Variants in LIMD1 observed in about 807,000 individuals in gnomAD.
LIMD1 encodes the protein LIM domain containing 1, also known as LIM domain-containing protein 1.
In LIMD1, 23 loss-of-function variants were observed where a neutral mutation model predicts 58.4. The ratio of observed to expected loss-of-function variants is 0.39; its 90% confidence interval spans 0.28 to 0.56. LIMD1 has a LOEUF of 0.56. Among genes scored for constraint, LIMD1 ranks in the 20% least tolerant of loss-of-function variants. The pLI, the probability that LIMD1 is intolerant of heterozygous loss-of-function variation, is 0.57. For synonymous variants in LIMD1, 334 were observed against 345.5 expected (o/e 0.97, Z 0.37); for missense variants, 838 against 855.5 (o/e 0.98, Z 0.25).
At chr3:45,675,969 C>CCTG (rs1371092966) in intron 7 of LIMD1, among the ~76,000 whole-genome samples, 1 of 151,896 alleles carries the variant, frequency 6.6e-6, no homozygotes, top group African/African-American at 2.4e-5. Context: ...AGTAAAAAAT[C>CCTG]CTGCTGGGCG....
At chr3:45,641,083 C>T (rs1701836739) in intron 2 of LIMD1, among the ~76,000 whole-genome samples, 1 of 152,188 alleles carries the variant, frequency 6.6e-6, no homozygotes, top group South Asian at 2.1e-4. Context: ...CTCTGCAGGT[C>T]CTGAGTGTGT....
rs1701332368 is a variant in LIMD1 at position 45,595,235 on chromosome 3, C to A, written c.356C>A (p.Thr119Asn). The A allele has an allele frequency of 6.2e-7, 1 of 1,603,660 alleles. No individual in the cohort carries two copies. Among genetic ancestry groups the A allele is most frequent in the African/African-American group, 1.3e-5 (1 of 74,806 alleles). The change falls in exon 1 of 8, where the codon ACC becomes AAC. Residue 119 changes from threonine to asparagine, a missense_variant. By Grantham distance (65) the Thr-to-Asn change is moderately conservative. Transcript: ENST00000273317. The part of the protein sequence containing the change: ...ASTGAPGAVT[T>N]LAAGQPPYPP... The stretch of plus-strand genomic sequence containing the variant: ...ACAGGGGCACCTGGGGCAGTCACCA[C>A]CCTCGCTGCTGGGCAGCCCCCGTAC...
intron 1 of LIMD1, among the ~76,000 whole-genome samples, chr3:45,600,471 A>G (rs1275467221): frequency 6.6e-6 from 1 of 151,724 alleles, no homozygotes; most frequent in East Asian, 1.9e-4. Flanking sequence ...ATAGGATCCT[A>G]CAGAGGCGTG....
At chr3:45,596,578 T>C (rs1701358099) in intron 1 of LIMD1, among the ~76,000 whole-genome samples, 1 of 152,092 alleles carries the variant, frequency 6.6e-6, no homozygotes, top group African/African-American at 2.4e-5. Context: ...GCTGTGACTT[T>C]GGATTTCAAG....
At chr3:45,651,180 G>A (rs1701971426) in intron 2 of LIMD1, among the ~76,000 whole-genome samples, 1 of 151,954 alleles carries the variant, frequency 6.6e-6, no homozygotes, top group African/African-American at 2.4e-5. Flanking sequence ...TTTTTGATGG[G>A]GTTGTTGTTT....
rs371920758 is a variant in LIMD1 at position 45,674,417 on chromosome 3, C to T, written c.1893+6C>T. 790 of 1,607,928 alleles carry T rather than the reference C, an allele frequency of 4.9e-4. 1 individual carries two copies. Among genetic ancestry groups the T allele is most frequent in the Non-Finnish European group, 6.2e-4 (724 of 1,174,876 alleles). ...TGGAGTGTTACCACTGCGAGGTAGA[C>T]CCCTCCCCACCCAGCCCCCAAAGCC... On this transcript the variant is annotated splice_donor_region_variant and intron_variant, in intron 7 of 7. Transcript: ENST00000273317.
intron 1 of LIMD1, among the ~76,000 whole-genome samples, chr3:45,615,422 T>A (rs532090063): frequency 1.1e-3 from 166 of 152,310 alleles, no homozygotes; most frequent in Non-Finnish European, 1.0e-3. Context: ...TGCCTACTGG[T>A]GAAATCTGGG....
chr3:45,662,406 T>C (rs1697453614), intron 2 of LIMD1, among the ~76,000 whole-genome samples: 1 of 152,062 alleles, frequency 6.6e-6, no homozygotes, highest in Non-Finnish European at 1.5e-5. Flanking sequence ...TGATATTTTT[T>C]ATAAAGGAAA....
At position 45,595,682 on chromosome 3, in the gene LIMD1, C is replaced by T. The variant is rs1225612714; in HGVS notation, c.803C>T (p.Ser268Phe). Residue 268 changes from serine to phenylalanine, a missense_variant, in exon 1 of 8, where the codon TCC becomes TTC. Transcript: ENST00000273317. ...ACAGGCCTTTGGTCCACTGCCTCCT[C>T]CCAGCGGGTGAGCCCTGGCCTGCCT... ...KPTGLWSTAS[S>F]QRVSPGLPSP... The T allele has an allele frequency of 6.2e-7, 1 of 1,614,180 alleles. No homozygotes were observed. The highest frequency in any genetic ancestry group is 8.5e-7 in the Non-Finnish European group (1 of 1,180,038).
At position 45,678,008 on chromosome 3, in the gene LIMD1, T is replaced by A. The variant is rs1697694347; in HGVS notation, c.*949T>A. ...AGCTGCCCGCATACTGAGAGACAGC[T>A]TCTTATAAACAAGGAGAGTTTTTGT... On this transcript the variant is annotated 3_prime_UTR_variant, in exon 8 of 8. Transcript: ENST00000273317. The A allele has an allele frequency of 6.6e-6, 1 of 152,398 alleles. No homozygotes were observed. Among genetic ancestry groups the A allele is most frequent in the African/African-American group, 2.4e-5 (1 of 41,440 alleles). The allele number at this position is 152,398 out of a possible 1,614,324, so 9.4% of individuals were successfully genotyped here.
chr3:45,667,311 A>G (rs1697533047), intron 3 of LIMD1, among the ~76,000 whole-genome samples: 1 of 152,220 alleles, frequency 6.6e-6, no homozygotes. Context: ...GGGCCCTGGC[A>G]TGGAGCCAGC....
chr3:45,667,692 C>G (rs186611733), intron 3 of LIMD1, among the ~76,000 whole-genome samples: 4 of 151,914 alleles, frequency 2.6e-5, no homozygotes, highest in Admixed American at 2.6e-4. Context: ...AGCTTTTTAA[C>G]CAGAACCGGA....
intron 2 of LIMD1, among the ~76,000 whole-genome samples, chr3:45,646,290 C>T (rs1006621583): frequency 1.3e-5 from 2 of 152,240 alleles, no homozygotes; most frequent in East Asian, 1.9e-4. Flanking sequence ...GCGTCAGTCG[C>T]CATCACAAGG....
intron 7 of LIMD1, chr3:45,674,636 C>G: frequency 2.1e-6 from 1 of 475,324 alleles, no homozygotes. Flanking sequence ...ACTATCAAGT[C>G]CTGCAACTGT....
chr3:45,649,111 T>A (rs115905668), intron 2 of LIMD1, among the ~76,000 whole-genome samples: 4,605 of 152,268 alleles, frequency 0.03, 76 homozygotes, highest in Non-Finnish European at 0.041. Flanking sequence ...AGGAAAACAT[T>A]GGCTGACCCA....
Position 45,636,185 on chromosome 3 carries a change from G to T in LIMD1, c.1444G>T (p.Ala482Ser). The change falls in exon 2 of 8, where the codon GCT (alanine) becomes TCT (serine). Residue 482 changes from alanine (A) to serine (S), a missense_variant. Coordinates refer to ENST00000273317, the MANE Select transcript of LIMD1 (RefSeq NM_014240.3). ...CVKCSKGVFG[A>S]GQACQAMGNL... is the part of the protein sequence containing the mutation. ...GAAATGCAGCAAAGGGGTGTTTGGG[G>T]CTGGCCAGGCCTGTCAGGCCATGGG... is the stretch of plus-strand genomic sequence containing the variant. The T allele has an allele frequency of 6.2e-7, 1 of 1,612,914 alleles. No homozygotes were observed. Among genetic ancestry groups the T allele is most frequent in the South Asian group, 1.1e-5 (1 of 90,842 alleles).
intron 2 of LIMD1, among the ~76,000 whole-genome samples, chr3:45,657,196 C>G (rs1365097132): frequency 6.6e-6 from 1 of 152,128 alleles, no homozygotes; most frequent in Admixed American, 6.6e-5. Flanking sequence ...CTCTCAGCAA[C>G]CCCCTTTCTC....
At position 45,632,335 on chromosome 3, in the gene LIMD1, A is replaced by G. The variant is rs144671130; in HGVS notation, c.1409-3815A>G. On this transcript the variant is annotated intron_variant, in intron 1 of 7. Coordinates refer to ENST00000273317, the MANE Select transcript of LIMD1 (RefSeq NM_014240.3). ...TGGCCTGATATTTGGCATTTTTCGG[A>G]AAGATTTCTCCCCCATTGTCACATT... Among the ~76,000 whole-genome samples the G allele has an allele frequency of 5.9e-5, 9 of 152,278 alleles. No homozygotes were observed. In the East Asian group the frequency reaches 1.7e-3, roughly 29 times the overall value.
At chr3:45,607,962 C>T (rs559675873) in intron 1 of LIMD1, among the ~76,000 whole-genome samples, 1 of 152,316 alleles carries the variant, frequency 6.6e-6, no homozygotes, top group East Asian at 1.9e-4. Context: ...GCCAAAATGT[C>T]GCCTGTTCCC....
Sources: gnomAD v4.1 joint callset for allele counts (sites outside exome capture counted in the v4.1 genomes callset) on GRCh38, gnomAD v4.1.1 for gene constraint, MANE v1.5 for transcripts, NCBI Gene and HGNC (gene_info 2026-07-23, HGNC 2026-07-21) for gene names.